The following RGS12 variants were observed in gnomAD, a reference collection of about 807,000 sequenced individuals.
The protein encoded by RGS12 is regulator of G-protein signaling 12.
RGS12 carries 66 observed loss-of-function variants against 120.1 expected under a neutral mutation model. The observed-to-expected ratio is 0.55, with a 90% confidence interval of 0.45 to 0.67. The LOEUF is 0.67. RGS12 is among the 30% of genes least tolerant of loss of function. The pLI is 0.00. For synonymous variants in RGS12, 827 were observed against 804.7 expected (o/e 1.03, Z -0.47); for missense variants, 1,859 against 1,957.7 (o/e 0.95, Z 0.95).
chr4:3,439,039 C>T (rs1725067999), intron 17 of RGS12, among the ~76,000 whole-genome samples: 1 of 152,104 alleles, frequency 6.6e-6, no homozygotes, highest in South Asian at 2.1e-4. Flanking sequence ...GAACTGAACC[C>T]TAGTGCTCAG....
intron 4 of RGS12, among the ~76,000 whole-genome samples, chr4:3,401,570 C>T (rs960582359): frequency 5.9e-5 from 9 of 152,192 alleles, no homozygotes; most frequent in African/African-American, 1.9e-4. Context: ...CTGTGAAGTC[C>T]GAGCACGGTT....
chr4:3,435,425 C>T (rs1724711930), intron 17 of RGS12, among the ~76,000 whole-genome samples: 1 of 152,092 alleles, frequency 6.6e-6, no homozygotes, highest in Non-Finnish European at 1.5e-5. Context: ...ATTGAGACCG[C>T]TGGTTTTCTT....
chr4:3,348,929 A>G (rs1373681310), intron 3 of RGS12, among the ~76,000 whole-genome samples: 2 of 152,246 alleles, frequency 1.3e-5, no homozygotes, highest in Admixed American at 1.3e-4. Context: ...TGAAATTGCC[A>G]TTCTAAATGA....
intron 2 of RGS12, among the ~76,000 whole-genome samples, chr4:3,328,563 A>G (rs1725719604): frequency 6.6e-6 from 1 of 152,108 alleles, no homozygotes; most frequent in South Asian, 2.1e-4. Flanking sequence ...TGATGAATAC[A>G]TTTCTCTTTT....
rs1161153924 is a variant in RGS12 at position 3,365,668 on chromosome 4, T to C, written c.1999-20748T>C. Among the ~76,000 whole-genome samples the C allele has an allele frequency of 6.6e-6, 1 of 152,194 alleles. No homozygotes were observed. Among genetic ancestry groups the C allele is most frequent in the Non-Finnish European group, 1.5e-5 (1 of 68,028 alleles). On this transcript the variant is annotated intron_variant, in intron 3 of 17. Transcript: ENST00000336727. This position sits in a 1 kb window ranked among gnomAD's most constrained non-coding sequence, Gnocchi z 4.0. ...CACGTCACATTGTGTAGGAATGAGA[T>C]CCTCACAGGCCTTTCAGAATAAGCT...
At chr4:3,296,178 C>T (rs1057440619) in intron 1 of RGS12, among the ~76,000 whole-genome samples, 2 of 152,138 alleles carry the variant, frequency 1.3e-5, no homozygotes, top group Admixed American at 6.6e-5. Context: ...CTGTCTTTCT[C>T]CTCCTCTTTA....
At chr4:3,388,765 G>T (rs977865923) in intron 4 of RGS12, among the ~76,000 whole-genome samples, 1 of 152,242 alleles carries the variant, frequency 6.6e-6, no homozygotes, top group Non-Finnish European at 1.5e-5. Context: ...GGTCGGGGTG[G>T]GGGGGTGGTC....
intron 1 of RGS12, among the ~76,000 whole-genome samples, chr4:3,308,510 G>C (rs981910509): frequency 5.3e-5 from 8 of 152,196 alleles, no homozygotes; most frequent in Non-Finnish European, 1.2e-4. Context: ...TGGGGTGCGA[G>C]GTGTATGGGG....
chr4:3,392,353 T>C (rs1046888635), intron 4 of RGS12, among the ~76,000 whole-genome samples: 1 of 152,236 alleles, frequency 6.6e-6, no homozygotes, highest in Non-Finnish European at 1.5e-5. Flanking sequence ...CTGTTGTGTT[T>C]GGGATTTGTT....
At chr4:3,287,179 G>A in the RGS12 span, among the ~76,000 whole-genome samples, 1 of 152,230 alleles carries the variant, frequency 6.6e-6, no homozygotes, top group Non-Finnish European at 1.5e-5. Context: ...GCAGAGCCCC[G>A]GGAGGGCGGC....
chr4:3,371,649 C>T lies in RGS12; in HGVS notation c.1999-14767C>T, dbSNP rs956529027. ...ATCAGAAGTGAGCGGCTCCCCCTCT[C>T]GCAGTCAGAGGCACAGCGGGTGGGT... is the stretch of plus-strand genomic sequence containing the variant. On this transcript the variant is annotated intron_variant, in intron 3 of 17. Coordinates refer to ENST00000336727, the MANE Select transcript of RGS12 (RefSeq NM_001394154.1). Among the ~76,000 whole-genome samples the T allele has an allele frequency of 3.3e-5, 5 of 152,262 alleles. No homozygotes were observed. The East Asian group carries it at 7.7e-4, about 24-fold the overall frequency.
At chr4:3,349,507 A>C (rs1714154717) in intron 3 of RGS12, among the ~76,000 whole-genome samples, 2 of 152,118 alleles carry the variant, frequency 1.3e-5, no homozygotes, top group African/African-American at 4.8e-5. Context: ...CCATATTTTG[A>C]AACAAATTTT....
Position 3,316,837 on chromosome 4 carries a change from G to A in RGS12, c.667G>A (p.Ala223Thr). The change falls in exon 2 of 18, where the codon GCA becomes ACA. Residue 223 changes from alanine to threonine, a missense_variant. This residue lies in a region of RGS12 where 967 missense variants were observed against 994.2 expected (regional missense o/e 0.97). Transcript: ENST00000336727. ...AAGTCATGACGATTTTGCATTGGAT[G>A]CAAGTATTTTAAACGTGGCGATGAT... Reference protein sequence around the residue: ...LESHDDFALDASILNVAMIVG... With the variant: ...LESHDDFALDTSILNVAMIVG... 1 of 1,614,184 alleles carries A rather than the reference G, an allele frequency of 6.2e-7. No homozygotes were observed. The highest frequency in any genetic ancestry group is 1.1e-5 in the South Asian group (1 of 91,090).
chr4:3,423,715 C>T, intron 13 of RGS12, 74 bp downstream of exon 13: 1 of 1,541,224 alleles, frequency 6.5e-7, no homozygotes, highest in South Asian at 1.2e-5. Flanking sequence ...CTGTGTTGTT[C>T]ACTGAAGAGG....
At chr4:3,339,102 C>T (rs1321366243) in intron 2 of RGS12, among the ~76,000 whole-genome samples, 3 of 152,138 alleles carry the variant, frequency 2.0e-5, no homozygotes, top group African/African-American at 7.2e-5. Context: ...AGTGCATCCA[C>T]GTGTGGGCAG....
chr4:3,413,950 G>A, intron 4 of RGS12, 122 bp from the exon 5 acceptor site: 1 of 985,022 alleles, frequency 1.0e-6, no homozygotes, highest in Non-Finnish European at 1.5e-6. Flanking sequence ...GTTGTTGACT[G>A]AATGGGTGTT....
chr4:3,409,129 C>G (rs1721460531), intron 4 of RGS12, among the ~76,000 whole-genome samples: 1 of 152,222 alleles, frequency 6.6e-6, no homozygotes, highest in Admixed American at 6.5e-5. Context: ...CAAGCCATGC[C>G]TGCATCTGCT....
chr4:3,360,093 A>G (rs893617278), intron 3 of RGS12, among the ~76,000 whole-genome samples: 4 of 152,110 alleles, frequency 2.6e-5, no homozygotes, highest in African/African-American at 4.8e-5. Context: ...TGGTCTTGGT[A>G]GGTTTTGTGT....
intron 1 of RGS12, among the ~76,000 whole-genome samples, chr4:3,302,184 G>A (rs550017777): frequency 3.9e-5 from 6 of 152,208 alleles, no homozygotes; most frequent in African/African-American, 1.2e-4. Flanking sequence ...CTGGAATCAG[G>A]AAGTTTCATC....
Sources: allele counts gnomAD v4.1 joint callset (sites outside exome capture counted in the v4.1 genomes callset), GRCh38; gene constraint gnomAD v4.1.1; regional missense constraint gnomAD v4.1.1; non-coding constraint Gnocchi (gnomAD v3.1); transcripts MANE v1.5; gene names NCBI Gene and HGNC (gene_info 2026-07-23, HGNC 2026-07-21).